EPHA3: variants seen among roughly 807,000 people sequenced by gnomAD.
The protein encoded by EPHA3 is ephrin type-A receptor 3.
In EPHA3, 42 loss-of-function variants were observed where a neutral mutation model predicts 107.1. That is an observed-to-expected ratio of 0.39 (90% confidence interval 0.31 to 0.51). EPHA3 has a LOEUF of 0.51. EPHA3 is among the 20% of genes least tolerant of loss of function. EPHA3 has a pLI of 0.78. For synonymous variants in EPHA3, 461 were observed against 424.8 expected (o/e 1.09, Z -1.05); for missense variants, 1,183 against 1,211.2 (o/e 0.98, Z 0.35).
At chr3:89,456,312 T>A (rs1307286100) in intron 15 of EPHA3, among the ~76,000 whole-genome samples, 1 of 152,232 alleles carries the variant, frequency 6.6e-6, no homozygotes, top group Admixed American at 6.5e-5. Context: ...GGTGTAGTTA[T>A]TCAGATCAGT....
rs2107420749 is a variant in EPHA3, at chr3:89,341,976, G to C, written c.1192G>C (p.Asp398His). 1 of 1,613,184 alleles carries C rather than the reference G, an allele frequency of 6.2e-7. No individual in the cohort carries two copies. Among genetic ancestry groups the C allele is most frequent in the Non-Finnish European group, 8.5e-7 (1 of 1,179,824 alleles). Residue 398 changes from aspartate (D) to histidine (H), a missense_variant, in exon 5 of 17, where the codon GAC (aspartate) becomes CAC (histidine). Asp to His is a moderately conservative substitution (Grantham distance 81). Transcript: ENST00000336596. Reference protein sequence around the residue: ...GLTNTTVTVTDLLAHTNYTFE... With the variant: ...GLTNTTVTVTHLLAHTNYTFE... ...CACCAACACCACGGTGACAGTGACA[G>C]ACCTTCTGGCACATACTAACTACAC... is the stretch of plus-strand genomic sequence containing the variant.
At chr3:89,415,976 T>A (rs888467177) in intron 10 of EPHA3, among the ~76,000 whole-genome samples, 3 of 151,370 alleles carry the variant, frequency 2.0e-5, no homozygotes, top group African/African-American at 7.3e-5. Flanking sequence ...ATAGTATTTT[T>A]TTTTGAGGAT....
intron 1 of EPHA3, among the ~76,000 whole-genome samples, chr3:89,117,656 C>T (rs1707288038): frequency 2.0e-5 from 3 of 152,140 alleles, no homozygotes; most frequent in African/African-American, 7.2e-5. Flanking sequence ...TATTCCCAAA[C>T]TGTAAGCAAA....
intron 1 of EPHA3, among the ~76,000 whole-genome samples, chr3:89,117,705 G>A (rs1297931113): frequency 6.6e-6 from 1 of 151,664 alleles, no homozygotes; most frequent in Non-Finnish European, 1.5e-5. Context: ...CCTCATTATG[G>A]CATAATTTTT....
intron 2 of EPHA3, among the ~76,000 whole-genome samples, chr3:89,131,002 A>C (rs1416613963): frequency 6.6e-6 from 1 of 152,200 alleles, no homozygotes; most frequent in East Asian, 1.9e-4. Flanking sequence ...ATGATACTAC[A>C]TATATTATTA....
chr3:89,274,749 GA>G (rs1705764483), intron 3 of EPHA3, among the ~76,000 whole-genome samples: 1 of 151,930 alleles, frequency 6.6e-6, no homozygotes. Flanking sequence ...AATGGACAGC[GA>G]TTTAGAATCG....
At position 89,450,149 on chromosome 3, in the gene EPHA3, G is replaced by A. The variant is rs757507509; in HGVS notation, c.2497-28G>A. 27 of 1,529,068 alleles carry A rather than the reference G, an allele frequency of 1.8e-5. 2 individuals carry two copies. The South Asian group carries it at 3.1e-4, about 18-fold the overall frequency. The allele number at this position is 1,529,068 out of a possible 1,614,324, so 94.7% of individuals were successfully genotyped here. ...AGTGACACTTCCTGAAAACTTCCTG[G>A]TTCCTGAAAACTTTGCTTCTCACAC... On this transcript the variant is annotated intron_variant, in intron 14 of 16. Coordinates refer to ENST00000336596, the MANE Select transcript of EPHA3 (RefSeq NM_005233.6).
intron 8 of EPHA3, among the ~76,000 whole-genome samples, 181 bp from the exon 9 acceptor site, chr3:89,407,886 G>C (rs1399829626): frequency 1.3e-5 from 2 of 152,072 alleles, no homozygotes; most frequent in East Asian, 1.9e-4. Flanking sequence ...AGCTTTCCAG[G>C]GTTCCCAGAG....
intron 2 of EPHA3, among the ~76,000 whole-genome samples, chr3:89,127,858 A>C (rs1704124146): frequency 6.6e-6 from 1 of 152,114 alleles, no homozygotes; most frequent in Non-Finnish European, 1.5e-5. Context: ...TTATCAATCC[A>C]GATACAAATT....
chr3:89,339,370 C>CAAAAAA (rs10575384), intron 3 of EPHA3, among the ~76,000 whole-genome samples: 17 of 106,536 alleles, frequency 1.6e-4, no homozygotes, highest in South Asian at 3.4e-4. Context: ...GACTCCATCT[C>CAAAAAA]AAAAAAAAAA....
chr3:89,448,975 T>G (rs899632477), intron 13 of EPHA3, among the ~76,000 whole-genome samples: 9 of 151,980 alleles, frequency 5.9e-5, no homozygotes, highest in African/African-American at 2.2e-4. Flanking sequence ...ATGTCAATAT[T>G]TAAGCAATTT....
intron 15 of EPHA3, 113 bp from the exon 16 acceptor site, chr3:89,472,351 A>C: frequency 1.8e-6 from 2 of 1,136,206 alleles, no homozygotes; most frequent in Non-Finnish European, 2.5e-6. Flanking sequence ...CCACAAATGA[A>C]AGGAACACCA....
At position 89,473,889 on chromosome 3, in the gene EPHA3, A is replaced by G. The variant is rs577962955; in HGVS notation, c.2846+1270A>G. 1.4e-3 allele frequency among the ~76,000 whole-genome samples: 220 copies of G among 152,302 alleles called. 1 individual carries two copies. Among genetic ancestry groups the G allele is most frequent in the Non-Finnish European group, 2.4e-3 (163 of 68,026 alleles). The stretch of plus-strand genomic sequence containing the variant: ...ATAGATACACCAAAAGTTGTCCAGC[A>G]TGTTGTCGCTTGCATGGTCTATTGG... On this transcript the variant is annotated intron_variant, in intron 16 of 16. Transcript: ENST00000336596.
chr3:89,327,658 G>A (rs1707194492), intron 3 of EPHA3, among the ~76,000 whole-genome samples: 1 of 152,050 alleles, frequency 6.6e-6, no homozygotes, highest in African/African-American at 2.4e-5. Context: ...GCAGTTGGGG[G>A]ACAGTATGGA....
At chr3:89,374,642 C>T (rs1374470717) in intron 5 of EPHA3, among the ~76,000 whole-genome samples, 1 of 151,664 alleles carries the variant, frequency 6.6e-6, no homozygotes, top group Non-Finnish European at 1.5e-5. Flanking sequence ...CTCTGTATTT[C>T]ACTTTTTAGA....
intron 3 of EPHA3, among the ~76,000 whole-genome samples, chr3:89,260,692 G>A (rs1228172443): frequency 1.3e-5 from 2 of 152,100 alleles, no homozygotes; most frequent in Non-Finnish European, 2.9e-5. Context: ...AGCTTTTAGG[G>A]TGTAAGATTT....
At chr3:89,324,652 A>G (rs1415970591) in intron 3 of EPHA3, among the ~76,000 whole-genome samples, 1 of 152,180 alleles carries the variant, frequency 6.6e-6, no homozygotes, top group African/African-American at 2.4e-5. Flanking sequence ...ACAAAAACAT[A>G]TCTATCACTA....
intron 1 of EPHA3, among the ~76,000 whole-genome samples, chr3:89,115,636 G>A (rs1707235936): frequency 6.6e-6 from 1 of 152,162 alleles, no homozygotes; most frequent in Non-Finnish European, 1.5e-5. Flanking sequence ...TAATTGCTCA[G>A]TGCTCTGCTG....
intron 3 of EPHA3, among the ~76,000 whole-genome samples, chr3:89,340,023 A>G (rs1707482386): frequency 6.6e-6 from 1 of 152,246 alleles, no homozygotes; most frequent in African/African-American, 2.4e-5. Context: ...GCATCAAAAG[A>G]AGTAATGCAG....
Sources: gnomAD v4.1 joint callset for allele counts (sites outside exome capture counted in the v4.1 genomes callset) on GRCh38, gnomAD v4.1.1 for gene constraint, MANE v1.5 for transcripts, NCBI Gene and HGNC (gene_info 2026-07-23, HGNC 2026-07-21) for gene names.